The following NYAP2 variants were observed in gnomAD, a reference collection of about 807,000 sequenced individuals.
NYAP2 encodes the protein neuronal tyrosine-phosphorylated phosphoinositide-3-kinase adaptor 2, also known as neuronal tyrosine-phosphorylated phosphoinositide-3-kinase adapter 2.
In NYAP2, 23 loss-of-function variants were observed where a neutral mutation model predicts 50.4. That is an observed-to-expected ratio of 0.46 (90% confidence interval 0.33 to 0.65). The LOEUF is 0.65. Ranked by LOEUF, NYAP2 falls within the 30% of genes least tolerant of loss-of-function variation. The probability of loss-of-function intolerance (pLI) is 0.02; values close to 1 mark genes in which losing one functional copy is unlikely to be tolerated. For synonymous variants in NYAP2, 394 were observed against 365.2 expected (o/e 1.08, Z -0.90); for missense variants, 885 against 861.0 (o/e 1.03, Z -0.35).
intron 3 of NYAP2, among the ~76,000 whole-genome samples, chr2:225,462,841 C>T (rs891661825): frequency 1.3e-5 from 2 of 151,918 alleles, no homozygotes; most frequent in African/African-American, 2.4e-5. Flanking sequence ...GACTGTTTAC[C>T]CCAAGAGCAT....
At position 225,582,312 on chromosome 2, in the gene NYAP2, C is replaced by T. The variant is rs1003837082; in HGVS notation, c.895C>T (p.Pro299Ser). 8 of 1,613,902 alleles carry T rather than the reference C, an allele frequency of 5.0e-6. No individual in the cohort carries two copies. Among genetic ancestry groups the T allele is most frequent in the African/African-American group, 1.3e-5 (1 of 74,946 alleles). ...CAGCTGTTCTTCGCAGTGTGCTACT[C>T]CCACGGTGCCTGACTTGGACTTCGC... The change falls in exon 5 of 7, where the codon CCC becomes TCC. Residue 299 changes from proline (P) to serine (S), a missense_variant. Pro to Ser is a moderately conservative substitution (Grantham distance 74, BLOSUM62 -1). Coordinates refer to ENST00000636099, the Ensembl canonical transcript of NYAP2. The surrounding 1 kb of genome is among the most constrained non-coding windows in gnomAD (Gnocchi z 7.0).
chr2:225,469,448 C>T (rs532707123), intron 3 of NYAP2, among the ~76,000 whole-genome samples: 95 of 152,298 alleles, frequency 6.2e-4, no homozygotes, highest in African/African-American at 2.0e-3. Flanking sequence ...TGTGGCAATT[C>T]CTCAAGGATC....
rs373618687 is a variant in NYAP2, at chr2:225,582,279, G to A, written c.862G>A (p.Asp288Asn). The A allele has an allele frequency of 1.9e-6, 3 of 1,613,974 alleles. No individual in the cohort carries two copies. Among genetic ancestry groups the A allele is most frequent in the Non-Finnish European group, 2.5e-6 (3 of 1,179,886 alleles). The change falls in exon 5 of 7, where the codon GAC becomes AAC. Residue 288 changes from aspartate to asparagine, a missense_variant. By Grantham distance (23) the Asp-to-Asn change is conservative (BLOSUM62 1). Transcript: ENST00000636099. This position sits in a 1 kb window ranked among gnomAD's most constrained non-coding sequence, Gnocchi z 7.0. ...GGGCCAAGACGCCAAATGTGACTTC[G>A]ACCATCACAGCTGTTCTTCGCAGTG...
At chr2:225,591,582 A>G (rs1692505486) in intron 5 of NYAP2, among the ~76,000 whole-genome samples, 1 of 152,200 alleles carries the variant, frequency 6.6e-6, no homozygotes. Flanking sequence ...CTAAAAATTT[A>G]CAAGTATTCA....
chr2:225,622,797 C>T (rs1693144777), intron 5 of NYAP2, among the ~76,000 whole-genome samples: 2 of 151,944 alleles, frequency 1.3e-5, no homozygotes, highest in African/African-American at 4.8e-5. Flanking sequence ...CCAGGCCAGG[C>T]TGCTCTTGAT....
chr2:225,487,755 G>A (rs759229444), intron 3 of NYAP2, among the ~76,000 whole-genome samples: 42 of 152,136 alleles, frequency 2.8e-4, no homozygotes, highest in Non-Finnish European at 5.7e-4. Context: ...TATTTATGGG[G>A]ATGTTTGTTC....
At chr2:225,474,614 C>T (rs1039298162) in intron 3 of NYAP2, among the ~76,000 whole-genome samples, 1 of 152,160 alleles carries the variant, frequency 6.6e-6, no homozygotes, top group Admixed American at 6.5e-5. Flanking sequence ...CTCTGTTTGT[C>T]TGTTATTGGT....
chr2:225,582,319 T>C lies in NYAP2; in HGVS notation c.902T>C (p.Val301Ala), dbSNP rs754504180. The C allele has an allele frequency of 1.2e-6, 2 of 1,614,024 alleles. No homozygotes were observed. The highest frequency in any genetic ancestry group is 1.7e-6 in the Non-Finnish European group (2 of 1,179,900). Residue 301 changes from valine (V) to alanine (A), a missense_variant, in exon 5 of 7, where the codon GTG becomes GCG. By Grantham distance (64) the Val-to-Ala change is moderately conservative. Transcript: ENST00000636099. The surrounding 1 kb of genome is among the most constrained non-coding windows in gnomAD (Gnocchi z 7.0). ...TCTTCGCAGTGTGCTACTCCCACGG[T>C]GCCTGACTTGGACTTCGCCAAGGCC... is the stretch of plus-strand genomic sequence containing the variant.
intron 3 of NYAP2, among the ~76,000 whole-genome samples, chr2:225,446,220 C>CTG (rs1459311924): frequency 0.05 from 3,478 of 69,598 alleles, 90 homozygotes; most frequent in African/African-American, 0.083. Context: ...CTGTCTGTCT[C>CTG]TCTCTCTCTC....
At chr2:225,663,318 C>T in the NYAP2 span, among the ~76,000 whole-genome samples, 2 of 152,184 alleles carry the variant, frequency 1.3e-5, no homozygotes, top group African/African-American at 4.8e-5. Context: ...TAAACTCACC[C>T]TCTGTTCCCA....
chr2:225,575,900 A>C (rs988426841), intron 4 of NYAP2, among the ~76,000 whole-genome samples: 1 of 152,220 alleles, frequency 6.6e-6, no homozygotes, highest in African/African-American at 2.4e-5. Context: ...TGTTTCAAGA[A>C]GCAAGCTTTA....
intron 2 of NYAP2, among the ~76,000 whole-genome samples, chr2:225,407,031 T>A (rs1437887728): frequency 6.6e-6 from 1 of 152,040 alleles, no homozygotes; most frequent in African/African-American, 2.4e-5. Context: ...CCGGAGGCAT[T>A]ATCTCTAGAA....
Position 225,582,456 on chromosome 2 carries a change from TC to T in NYAP2, c.1044del (p.Asn349ThrfsTer24). The T allele has an allele frequency of 1.1e-6, 1 of 919,174 alleles. No individual in the cohort carries two copies. The highest frequency in any genetic ancestry group is 1.5e-6 in the Non-Finnish European group (1 of 673,308). The allele number at this position is 919,174 out of a possible 1,614,324, so 56.9% of individuals were successfully genotyped here. On this transcript the variant is annotated frameshift_variant, in exon 5 of 7. Transcript: ENST00000636099. LOFTEE classifies it high-confidence loss of function. The surrounding 1 kb of genome is among the most constrained non-coding windows in gnomAD (Gnocchi z 7.0). ...ATTTCCCCCCGCCCCCGTGCATTGCTCCCCCAACTCCGACGAGTCCCCGCTT... is the reference window on the plus strand; with the variant it reads ...ATTTCCCCCCGCCCCCGTGCATTGCTCCCCAACTCCGACGAGTCCCCGCTT...
chr2:225,692,535 C>T, the NYAP2 span, among the ~76,000 whole-genome samples: 1 of 151,988 alleles, frequency 6.6e-6, no homozygotes, highest in Non-Finnish European at 1.5e-5. Flanking sequence ...TAGCTCTCTG[C>T]CTCCTACAAC....
chr2:225,637,619 A>G (rs1693443626), intron 6 of NYAP2, among the ~76,000 whole-genome samples: 1 of 152,192 alleles, frequency 6.6e-6, no homozygotes, highest in South Asian at 2.1e-4. Context: ...GAGCAAATGC[A>G]TAACAGAATT....
At chr2:225,653,668 C>T (rs1693774428) in exon 7 of NYAP2, 1 of 152,214 alleles carries the variant, frequency 6.6e-6, no homozygotes, top group South Asian at 2.1e-4. Context: ...AAGTGGTAAG[C>T]ATAGCTCATA....
At chr2:225,505,966 G>A (rs1347875804) in intron 3 of NYAP2, among the ~76,000 whole-genome samples, 1 of 151,958 alleles carries the variant, frequency 6.6e-6, no homozygotes, top group African/African-American at 2.4e-5. Flanking sequence ...GGACCACCTT[G>A]AGGCATTTGC....
At chr2:225,461,156 C>A (rs1370336771) in intron 3 of NYAP2, among the ~76,000 whole-genome samples, 2 of 152,076 alleles carry the variant, frequency 1.3e-5, no homozygotes, top group East Asian at 3.9e-4. Context: ...TAAATAAATG[C>A]CAGATGCACC....
intron 3 of NYAP2, among the ~76,000 whole-genome samples, chr2:225,445,725 G>A (rs1192706987): frequency 6.6e-6 from 1 of 151,986 alleles, no homozygotes; most frequent in Non-Finnish European, 1.5e-5. Flanking sequence ...GCCCAATTTG[G>A]TGCTGGGCTA....
Sources: gnomAD v4.1 joint callset for allele counts (sites outside exome capture counted in the v4.1 genomes callset) on GRCh38, gnomAD v4.1.1 for gene constraint, Gnocchi (gnomAD v3.1) non-coding constraint, MANE v1.5 for transcripts, NCBI Gene and HGNC (gene_info 2026-07-23, HGNC 2026-07-21) for gene names.